The following SEPTIN7 variants were observed in gnomAD, a reference collection of about 807,000 sequenced individuals.
The protein encoded by SEPTIN7 is septin-7.
In SEPTIN7, 10 loss-of-function variants were observed where a neutral mutation model predicts 63.3. The ratio of observed to expected loss-of-function variants is 0.16; its 90% CI spans 0.10 to 0.27. The LOEUF is 0.27. Ranked by LOEUF, SEPTIN7 falls within the 10% of genes least tolerant of loss-of-function variation. The pLI is 1.00. For synonymous variants in SEPTIN7, 131 were observed against 165.3 expected, an observed-to-expected ratio of 0.79 and a Z score of 1.59; for missense variants, 310 against 521.0, an observed-to-expected ratio of 0.59 and a Z score of 3.94.
chr7:35,851,427 T>G (rs577867645), intron 3 of SEPTIN7, among the ~76,000 whole-genome samples: 1 of 152,280 alleles, frequency 6.6e-6, no homozygotes, highest in South Asian at 2.1e-4. Flanking sequence ...AAATGTAAAA[T>G]AGGCATTAAT....
intron 6 of SEPTIN7, among the ~76,000 whole-genome samples, chr7:35,874,374 G>A (rs1786341956): frequency 6.6e-6 from 1 of 152,064 alleles, no homozygotes; most frequent in South Asian, 2.1e-4. Context: ...GTTTGTTATA[G>A]TTAGCCTGTA....
the SEPTIN7 span, among the ~76,000 whole-genome samples, chr7:35,915,039 A>G: frequency 6.6e-6 from 1 of 151,768 alleles, no homozygotes; most frequent in South Asian, 2.1e-4. Flanking sequence ...GCACGTACAT[A>G]TATGTATATA....
At chr7:35,873,586 A>G (rs1167635021) in intron 5 of SEPTIN7, 55 bp from the exon 6 acceptor site, 50 of 1,543,956 alleles carry the variant, frequency 3.2e-5, no homozygotes, top group Non-Finnish European at 4.2e-5. Context: ...TTTAACAGTC[A>G]TCAGTTAATT....
intron 11 of SEPTIN7, among the ~76,000 whole-genome samples, chr7:35,893,541 A>G (rs145652636): frequency 1.8e-4 from 28 of 152,236 alleles, no homozygotes; most frequent in Non-Finnish European, 3.5e-4. Context: ...AGGTTATACT[A>G]TCTAAGGTTG....
chr7:35,906,384 T>C lies in SEPTIN7; in HGVS notation c.*2091T>C, dbSNP rs1788609299. 2 of 152,224 alleles carry C rather than the reference T, an allele frequency of 1.3e-5. No individual in the cohort carries two copies. The highest frequency in any genetic ancestry group is 4.8e-5 in the African/African-American group (2 of 41,454). The allele number at this position is 152,224 out of a possible 1,614,324, so 9.4% of individuals were successfully genotyped here. ...CAGGCTTAGGTATATCAGAAGGTTC[T>C]TTTTGCCATTTGGCCTGTGGATGTC... On this transcript the variant is annotated 3_prime_UTR_variant, in exon 14 of 14. Transcript: ENST00000350320.
rs1788616220 is a variant in SEPTIN7, at chr7:35,906,560, T to C, written c.*2267T>C. On this transcript the variant is annotated 3_prime_UTR_variant, in exon 14 of 14. Coordinates refer to ENST00000350320, the MANE Select transcript of SEPTIN7 (RefSeq NM_001788.6). ...AGCCACTGTCTTTCTGCTAATTAAGTGGGGCTGAACAAGTAAGCACTAATA... is the reference window on the plus strand; with the variant it reads ...AGCCACTGTCTTTCTGCTAATTAAGCGGGGCTGAACAAGTAAGCACTAATA... The C allele has an allele frequency of 6.6e-6, 1 of 152,188 alleles. No individual in the cohort carries two copies. Among genetic ancestry groups the C allele is most frequent in the Non-Finnish European group, 1.5e-5 (1 of 68,042 alleles). 9.4% of individuals were successfully genotyped at this position (152,188 alleles called of 1,614,324 possible).
chr7:35,875,401 C>A (rs1434361519), intron 6 of SEPTIN7, among the ~76,000 whole-genome samples: 2 of 152,146 alleles, frequency 1.3e-5, no homozygotes, highest in Non-Finnish European at 2.9e-5. Flanking sequence ...TTCCAGATAT[C>A]CTGCTCACTA....
chr7:35,874,836 A>G (rs548134857), intron 6 of SEPTIN7, among the ~76,000 whole-genome samples: 4 of 152,276 alleles, frequency 2.6e-5, no homozygotes, highest in African/African-American at 9.6e-5. Context: ...ACATGTTTAA[A>G]TCACTAAACT....
Position 35,801,209 on chromosome 7 carries a change from G to A in SEPTIN7, c.-1G>A, listed in dbSNP as rs535581100. 6.6e-7 allele frequency: 1 copy of A among 1,516,586 alleles called. No homozygotes were observed. Among genetic ancestry groups the A allele is most frequent in the Non-Finnish European group, 8.8e-7 (1 of 1,131,442 alleles). 93.9% of individuals were successfully genotyped at this position (1,516,586 alleles called of 1,614,324 possible). ...GGGCTGGTCGCGGAGGGGGGGAGGG[G>A]ATGTCGGTCAGTGCGAGATCCGCTG... On this transcript the variant is annotated 5_prime_UTR_variant, in exon 1 of 14. Transcript: ENST00000350320.
intron 3 of SEPTIN7, 73 bp from the exon 4 acceptor site, chr7:35,863,479 A>T: frequency 1.2e-6 from 1 of 836,614 alleles, no homozygotes; most frequent in Non-Finnish European, 1.9e-6. Context: ...AAGTTTGATT[A>T]TAGCATCTGT....
intron 3 of SEPTIN7, among the ~76,000 whole-genome samples, chr7:35,837,394 G>C (rs1421975226): frequency 6.6e-6 from 1 of 152,110 alleles, no homozygotes; most frequent in African/African-American, 2.4e-5. Flanking sequence ...GTATAGGTTA[G>C]ATATATCATT....
the SEPTIN7 span, among the ~76,000 whole-genome samples, chr7:35,912,675 G>C: frequency 4.3e-4 from 66 of 152,160 alleles, no homozygotes; most frequent in African/African-American, 1.5e-3. Flanking sequence ...CCTGGCATCA[G>C]AAAAAGGCCT....
chr7:35,816,278 C>T (rs1197137577), intron 1 of SEPTIN7, among the ~76,000 whole-genome samples: 3 of 152,024 alleles, frequency 2.0e-5, no homozygotes, highest in East Asian at 1.9e-4. Context: ...ATTTACTTTC[C>T]GTTTCTATGG....
chr7:35,848,290 T>TG (rs1379816053), intron 3 of SEPTIN7, among the ~76,000 whole-genome samples: 9 of 152,068 alleles, frequency 5.9e-5, no homozygotes, highest in Non-Finnish European at 1.2e-4. Context: ...TTTTTTGAGA[T>TG]GGAGTCTCGC....
chr7:35,801,097 G>T lies in SEPTIN7; in HGVS notation c.-113G>T. The T allele has an allele frequency of 2.6e-6, 2 of 777,000 alleles. No homozygotes were observed. Among genetic ancestry groups the T allele is most frequent in the Non-Finnish European group, 1.9e-6 (1 of 520,366 alleles). The allele number at this position is 777,000 out of a possible 1,614,324, so 48.1% of individuals were successfully genotyped here. On this transcript the variant is annotated 5_prime_UTR_variant, in exon 1 of 14. Coordinates refer to ENST00000350320, the MANE Select transcript of SEPTIN7 (RefSeq NM_001788.6). Reference sequence around the variant, plus strand: ...TGTGGAGGAGTCCGCCTGCTGTAGCGTGCGTAAGCAAGGCAGCTACGCCGG... The same window carrying T: ...TGTGGAGGAGTCCGCCTGCTGTAGCTTGCGTAAGCAAGGCAGCTACGCCGG...
intron 3 of SEPTIN7, among the ~76,000 whole-genome samples, chr7:35,836,952 C>G (rs145853955): frequency 1.3e-5 from 2 of 152,010 alleles, no homozygotes; most frequent in African/African-American, 4.8e-5. Flanking sequence ...CTGATAATGA[C>G]TTCACAACAT....
chr7:35,877,063 C>A (rs1583606594), intron 6 of SEPTIN7, among the ~76,000 whole-genome samples: 1 of 152,142 alleles, frequency 6.6e-6, no homozygotes, highest in Non-Finnish European at 1.5e-5. Context: ...TGAGCTATGA[C>A]TACACCACTG....
At chr7:35,886,746 T>G (rs2116310731) in intron 10 of SEPTIN7, among the ~76,000 whole-genome samples, 1 of 152,242 alleles carries the variant, frequency 6.6e-6, no homozygotes, top group South Asian at 2.1e-4. Flanking sequence ...GAATCTCTTT[T>G]GCTGTGTAAA....
chr7:35,883,235 T>C (rs79378119), intron 8 of SEPTIN7, among the ~76,000 whole-genome samples: 10,755 of 152,178 alleles, frequency 0.071, 425 homozygotes, highest in South Asian at 0.18. Flanking sequence ...ATATTTTCTG[T>C]ATTTTATCAT....
Sources: allele counts gnomAD v4.1 joint callset (sites outside exome capture counted in the v4.1 genomes callset), GRCh38; gene constraint gnomAD v4.1.1; transcripts MANE v1.5; gene names NCBI Gene and HGNC (gene_info 2026-07-23, HGNC 2026-07-21).